Variants in GDE1 observed in about 807,000 individuals in gnomAD.
The protein encoded by GDE1 is glycerophosphodiester phosphodiesterase 1, also known as RGS16-interacting membrane protein.
Under a neutral mutation model 32.2 loss-of-function variants are expected in GDE1, and 24 were observed. That is an observed-to-expected ratio of 0.75 (90% CI 0.54 to 1.05). The LOEUF (loss-of-function observed/expected upper bound fraction) is 1.05. GDE1 is among the 50% of genes least tolerant of loss of function. The pLI, the probability that GDE1 is intolerant of heterozygous loss-of-function variation, is 0.00. For synonymous variants in GDE1, 159 were observed against 158.6 expected, an observed-to-expected ratio of 1.00 and a Z score of -0.02; for missense variants, 380 against 415.0, an observed-to-expected ratio of 0.92 and a Z score of 0.73.
intron 4 of GDE1, among the ~76,000 whole-genome samples, chr16:19,506,619 G>A (rs913767992): frequency 1.3e-5 from 2 of 152,012 alleles, no homozygotes; most frequent in South Asian, 2.1e-4. Context: ...ACCACTGGGC[G>A]ACAGAGCAAG....
intron 5 of GDE1, chr16:19,504,634 T>A (rs1413036568): frequency 2.3e-6 from 1 of 435,298 alleles, no homozygotes; most frequent in Non-Finnish European, 4.1e-6. Flanking sequence ...CAGCATAGTG[T>A]CACAGGTTCA....
chr16:19,510,076 TACTC>T (rs907638615), intron 3 of GDE1, among the ~76,000 whole-genome samples: 2 of 151,984 alleles, frequency 1.3e-5, no homozygotes, highest in Non-Finnish European at 2.9e-5. Context: ...AGGGGAAAAA[TACTC>T]AAGTTGCCCA....
At chr16:19,507,545 C>T in intron 4 of GDE1, 142 bp downstream of exon 4, 1 of 606,550 alleles carries the variant, frequency 1.6e-6, no homozygotes, top group East Asian at 2.8e-5. Flanking sequence ...TGGAATTTCT[C>T]TGGTTAATTT....
chr16:19,511,903 CT>C (rs1969322998), intron 2 of GDE1, among the ~76,000 whole-genome samples: 1 of 151,998 alleles, frequency 6.6e-6, no homozygotes, highest in South Asian at 2.1e-4. Flanking sequence ...GGATATCATC[CT>C]TTTTTATGGC....
In GDE1 at chr16:19,503,531, G is replaced by A; in HGVS notation, c.935C>T (p.Ser312Phe). 1 of 1,613,296 alleles carries A rather than the reference G, an allele frequency of 6.2e-7. No homozygotes were observed. Among genetic ancestry groups the A allele is most frequent in the Non-Finnish European group, 8.5e-7 (1 of 1,179,236 alleles). Residue 312 changes from serine (S) to phenylalanine (F), a missense_variant, in exon 6 of 6, where the codon TCC becomes TTC. Coordinates refer to ENST00000353258, the MANE Select transcript of GDE1 (RefSeq NM_016641.4). The stretch of plus-strand genomic sequence containing the variant: ...AGTGATATAGCTGGAACCAAGATGG[G>A]ATTCGTAGTAACTCTTTTCATCAAA... Reference protein sequence around the residue: ...NTFDEKSYYESHLGSSYITDS... With the variant: ...NTFDEKSYYEFHLGSSYITDS...
intron 4 of GDE1, among the ~76,000 whole-genome samples, chr16:19,506,820 A>T (rs1969253158): frequency 6.6e-6 from 1 of 152,098 alleles, no homozygotes; most frequent in Admixed American, 6.6e-5. Flanking sequence ...GGACAATGGC[A>T]TTGTGGCTAT....
At chr16:19,510,133 A>G (rs1161340913) in intron 3 of GDE1, among the ~76,000 whole-genome samples, 6 of 152,332 alleles carry the variant, frequency 3.9e-5, no homozygotes, top group Admixed American at 2.6e-4. Context: ...TGGTTATAAG[A>G]GAACAAATGT....
intron 5 of GDE1, chr16:19,503,848 C>A: frequency 2.3e-6 from 1 of 429,048 alleles, no homozygotes; most frequent in Non-Finnish European, 4.2e-6. Flanking sequence ...ATCGCCACCC[C>A]CAAATGTCCT....
At position 19,514,634 on chromosome 16, in the gene GDE1, C is replaced by T. The variant is rs190854802; in HGVS notation, c.437+2380G>A. 4.2e-4 allele frequency among the ~76,000 whole-genome samples: 64 copies of T among 152,212 alleles called. 1 individual carries two copies. The South Asian group carries it at 0.011, about 25-fold the overall frequency. ...GTTTAAAATAAATAATGTTCTAAGA[C>T]ATAATTTTCTGATAAAGAAAATGAA... On this transcript the variant is annotated intron_variant, in intron 2 of 5. Transcript: ENST00000353258.
chr16:19,505,210 G>A (rs536938668), intron 4 of GDE1, 118 bp from the exon 5 acceptor site: 23 of 696,040 alleles, frequency 3.3e-5, no homozygotes, highest in Middle Eastern at 2.5e-4. Context: ...ACCCTGCCCC[G>A]GTATCTACTA....
chr16:19,516,877 C>A, intron 2 of GDE1, 137 bp downstream of exon 2: 1 of 645,192 alleles, frequency 1.5e-6, no homozygotes, highest in Admixed American at 2.9e-5. Flanking sequence ...GGCACTTGCT[C>A]ATTACTTACA....
chr16:19,513,679 T>C (rs1388308818), intron 2 of GDE1, among the ~76,000 whole-genome samples: 3 of 152,224 alleles, frequency 2.0e-5, no homozygotes, highest in Non-Finnish European at 2.9e-5. Flanking sequence ...GAAAGAATCA[T>C]GGAGGAAGTA....
intron 3 of GDE1, among the ~76,000 whole-genome samples, chr16:19,508,247 A>G (rs1733758636): frequency 6.6e-6 from 1 of 152,148 alleles, no homozygotes; most frequent in South Asian, 2.1e-4. Context: ...CCCATCACCA[A>G]TATGGAGGGA....
chr16:19,510,842 G>GTGC lies in GDE1; in HGVS notation c.539_540insGCA (p.Ala179_His180insGln). On this transcript the variant is annotated inframe_insertion, in exon 3 of 6. Transcript: ENST00000353258. ...AAGTCCACAATTTAAACTGTACCTTGTGTGCATGGCCTTTGACATCAAAGA... is the reference window on the plus strand; with the variant it reads ...AAGTCCACAATTTAAACTGTACCTTGTGCTGTGCATGGCCTTTGACATCAAAGA... The GTGC allele has an allele frequency of 6.6e-7, 1 of 1,507,884 alleles. No homozygotes were observed. The allele number at this position is 1,507,884 out of a possible 1,614,324, so 93.4% of individuals were successfully genotyped here. A position where few individuals can be genotyped will look rare whatever the true frequency, so the allele number is the denominator to read the frequency against.
In GDE1 at chr16:19,502,734, T is replaced by C. The variant is rs1183723337; in HGVS notation, c.*736A>G. 1 of 152,238 alleles carries C rather than the reference T, an allele frequency of 6.6e-6. No homozygotes were observed. Among genetic ancestry groups the C allele is most frequent in the East Asian group, 1.9e-4 (1 of 5,196 alleles). 9.4% of individuals were successfully genotyped at this position (152,238 alleles called of 1,614,324 possible). A position where few individuals can be genotyped will look rare whatever the true frequency, so the allele number is the denominator to read the frequency against. On this transcript the variant is annotated 3_prime_UTR_variant, in exon 6 of 6. Coordinates refer to ENST00000353258, the MANE Select transcript of GDE1 (RefSeq NM_016641.4). ...CTCATTTGTAAAATGAGGACAAACC[T>C]AGATATTTTTGGAAGTTTCTTCCAG... is the stretch of plus-strand genomic sequence containing the variant.
rs758571997 is a variant in GDE1 at position 19,521,920 on chromosome 16, G to A, written c.45C>T (p.Ser15=). 3 of 1,591,160 alleles carry A rather than the reference G, an allele frequency of 1.9e-6. No individual in the cohort carries two copies. The South Asian group carries it at 3.4e-5, about 18-fold the overall frequency. ...EDQGGLLGPF[S]FLLLVLLLVT... ...CCAGCAGCAGCACTAGCAGCAGGAAGGAGAAAGGGCCCAGGAGGCCGCCCT... is the reference window on the plus strand; with the variant it reads ...CCAGCAGCAGCACTAGCAGCAGGAAAGAGAAAGGGCCCAGGAGGCCGCCCT... Residue 15 remains serine, a synonymous_variant, in exon 1 of 6, where the codon TCC becomes TCT. Coordinates refer to ENST00000353258, the MANE Select transcript of GDE1 (RefSeq NM_016641.4).
At chr16:19,515,303 AT>A (rs1220118988) in intron 2 of GDE1, among the ~76,000 whole-genome samples, 1 of 152,124 alleles carries the variant, frequency 6.6e-6, no homozygotes, top group African/African-American at 2.4e-5. Flanking sequence ...ACACAAGCCA[AT>A]TACTTCATTT....
In GDE1 at chr16:19,522,087, G is replaced by A; in HGVS notation, c.-123C>T. On this transcript the variant is annotated 5_prime_UTR_variant, in exon 1 of 6. Transcript: ENST00000353258. ...CAGCAGGAACCCTCTGAGGGGACCA[G>A]CGCCGCACAATGGCGGCAGCAGACA... The A allele has an allele frequency of 9.9e-7, 1 of 1,006,282 alleles. No homozygotes were observed. The highest frequency in any genetic ancestry group is 1.4e-6 in the Non-Finnish European group (1 of 709,464). The allele number at this position is 1,006,282 out of a possible 1,614,324, so 62.3% of individuals were successfully genotyped here. A position where few individuals can be genotyped will look rare whatever the true frequency, so the allele number is the denominator to read the frequency against.
Position 19,503,603 on chromosome 16 carries a change from T to G in GDE1, c.863A>C (p.Lys288Thr). The G allele has an allele frequency of 6.2e-7, 1 of 1,613,746 alleles. No homozygotes were observed. The highest frequency in any genetic ancestry group is 8.5e-7 in the Non-Finnish European group (1 of 1,179,688). ...KDFVSPAYLK[K>T]WSAKGIQVVG... ...AACCTGGATTCCTTTAGCTGACCAC[T>G]TCTTCAAGTAGGCCCTGGGGAAAGA... The change falls in exon 6 of 6, where the codon AAG becomes ACG. Residue 288 changes from lysine to threonine, a missense_variant. Transcript: ENST00000353258.
Sources: allele counts gnomAD v4.1 joint callset (sites outside exome capture counted in the v4.1 genomes callset), GRCh38; gene constraint gnomAD v4.1.1; transcripts MANE v1.5; gene names NCBI Gene and HGNC (gene_info 2026-07-23, HGNC 2026-07-21).